Variants in CNTNAP2 observed in about 807,000 individuals in gnomAD.
CNTNAP2 encodes contactin-associated protein-like 2.
In CNTNAP2, 98 loss-of-function variants were observed where a neutral mutation model predicts 155.2. That is an observed-to-expected ratio of 0.63 (90% confidence interval 0.54 to 0.75). The LOEUF (loss-of-function observed/expected upper bound fraction) is 0.75. CNTNAP2 is among the 30% of genes least tolerant of loss of function. The pLI is 0.00. For synonymous variants in CNTNAP2, 651 were observed against 631.2 expected (o/e 1.03, Z -0.47); for missense variants, 1,727 against 1,688.1 (o/e 1.02, Z -0.40).
In CNTNAP2 at chr7:147,497,452, G is replaced by A. The variant is rs1011272418; in HGVS notation, c.1777+11411G>A. On this transcript the variant is annotated intron_variant, in intron 11 of 23. Coordinates refer to ENST00000361727, the MANE Select transcript of CNTNAP2 (RefSeq NM_014141.6). ...CTCTGCCACTATCTGGGCCTGTTGA[G>A]ATATTAATTAAACATGTCTTTCTTG... is the stretch of plus-strand genomic sequence containing the variant. Among the ~76,000 whole-genome samples, 4 of 152,288 alleles carry A rather than the reference G, an allele frequency of 2.6e-5. No homozygotes were observed. The South Asian group carries it at 6.2e-4, about 24-fold the overall frequency.
chr7:146,730,588 T>C (rs1801508593), intron 1 of CNTNAP2, among the ~76,000 whole-genome samples: 2 of 152,174 alleles, frequency 1.3e-5, no homozygotes, highest in African/African-American at 4.8e-5. Flanking sequence ...TTATAACTAA[T>C]GTTTATTAAT....
At chr7:147,075,309 G>A (rs928719237) in intron 4 of CNTNAP2, among the ~76,000 whole-genome samples, 1 of 152,080 alleles carries the variant, frequency 6.6e-6, no homozygotes, top group Non-Finnish European at 1.5e-5. Context: ...TTAACCTACA[G>A]CCTGGGTTCT....
At chr7:147,679,283 G>T (rs1795914025) in intron 13 of CNTNAP2, among the ~76,000 whole-genome samples, 1 of 151,790 alleles carries the variant, frequency 6.6e-6, no homozygotes, top group Non-Finnish European at 1.5e-5. Context: ...TTATGGTTTT[G>T]GTTCAGGAAC....
intron 1 of CNTNAP2, among the ~76,000 whole-genome samples, chr7:146,341,963 C>T (rs1052057003): frequency 6.6e-6 from 1 of 152,112 alleles, no homozygotes; most frequent in African/African-American, 2.4e-5. Flanking sequence ...CCTATATTTG[C>T]AGCCTTCATT....
intron 8 of CNTNAP2, among the ~76,000 whole-genome samples, chr7:147,210,919 C>G (rs1352583701): frequency 1.3e-5 from 2 of 151,476 alleles, no homozygotes; most frequent in African/African-American, 4.8e-5. Context: ...TATTTATATT[C>G]CACTGTGATC....
intron 2 of CNTNAP2, among the ~76,000 whole-genome samples, chr7:146,801,849 G>C (rs1335015295): frequency 6.6e-6 from 1 of 152,136 alleles, no homozygotes; most frequent in Non-Finnish European, 1.5e-5. Context: ...AGAGTGGAAA[G>C]TGAGATGCAG....
At chr7:146,825,424 G>A (rs1050398567) in intron 2 of CNTNAP2, among the ~76,000 whole-genome samples, 5 of 152,102 alleles carry the variant, frequency 3.3e-5, no homozygotes, top group African/African-American at 1.2e-4. Context: ...CAGCCAAAGA[G>A]AAGGGAATCA....
chr7:146,631,582 G>T (rs564596628), intron 1 of CNTNAP2, among the ~76,000 whole-genome samples: 1 of 152,286 alleles, frequency 6.6e-6, no homozygotes, highest in African/African-American at 2.4e-5. Flanking sequence ...CTTTACAAGA[G>T]AAGTTTTCTG....
At chr7:147,358,507 T>A (rs1240192298) in intron 9 of CNTNAP2, among the ~76,000 whole-genome samples, 8 of 152,128 alleles carry the variant, frequency 5.3e-5, no homozygotes, top group African/African-American at 1.9e-4. Context: ...GTTGCAGTCA[T>A]TTTTAACACA....
intron 1 of CNTNAP2, among the ~76,000 whole-genome samples, chr7:146,393,890 T>G (rs2129106966): frequency 6.6e-6 from 1 of 152,324 alleles, no homozygotes; most frequent in East Asian, 1.9e-4. Context: ...GCCTCCATAT[T>G]TTGTTCAAAG....
chr7:147,115,892 C>A (rs576820734), intron 5 of CNTNAP2, among the ~76,000 whole-genome samples: 2 of 152,116 alleles, frequency 1.3e-5, no homozygotes, highest in East Asian at 3.9e-4. Flanking sequence ...AAGGGGCACT[C>A]GGCTTTTTGA....
intron 4 of CNTNAP2, among the ~76,000 whole-genome samples, chr7:147,059,533 T>C (rs75796633): frequency 0.065 from 9,825 of 151,926 alleles, 419 homozygotes; most frequent in Middle Eastern, 0.13. Context: ...TATAGTACTA[T>C]CCCCATGCTT....
intron 13 of CNTNAP2, among the ~76,000 whole-genome samples, chr7:147,853,081 G>C (rs1798977956): frequency 6.6e-6 from 1 of 152,138 alleles, no homozygotes; most frequent in Non-Finnish European, 1.5e-5. Context: ...TGGCAGTAAG[G>C]CTGTGCTACT....
intron 10 of CNTNAP2, among the ~76,000 whole-genome samples, chr7:147,454,819 G>A (rs1418060696): frequency 1.3e-5 from 2 of 151,946 alleles, no homozygotes; most frequent in East Asian, 1.9e-4. Flanking sequence ...TCATGATAAA[G>A]CTGCCAGCAC....
chr7:147,099,474 C>T (rs1037493163), intron 4 of CNTNAP2, among the ~76,000 whole-genome samples: 3 of 152,058 alleles, frequency 2.0e-5, no homozygotes, highest in Non-Finnish European at 4.4e-5. Flanking sequence ...ATTACCCCTG[C>T]TCCCACCCTC....
At chr7:148,160,746 T>A (rs1805516598) in intron 17 of CNTNAP2, among the ~76,000 whole-genome samples, 2 of 152,322 alleles carry the variant, frequency 1.3e-5, no homozygotes, top group African/African-American at 4.8e-5. Flanking sequence ...TGTTGTTTTT[T>A]GGTTTTGGTG....
chr7:147,401,175 C>T (rs34145640), intron 10 of CNTNAP2, among the ~76,000 whole-genome samples: 1 of 152,098 alleles, frequency 6.6e-6, no homozygotes, highest in African/African-American at 2.4e-5. Context: ...TCTGCTCTTT[C>T]CTGTCTAACT....
At chr7:147,709,501 C>T (rs1246138039) in intron 13 of CNTNAP2, among the ~76,000 whole-genome samples, 3 of 152,076 alleles carry the variant, frequency 2.0e-5, no homozygotes, top group Non-Finnish European at 2.9e-5. Context: ...ATTTCATGGA[C>T]GTGACATAAG....
chr7:146,300,660 C>G (rs1800591852), intron 1 of CNTNAP2, among the ~76,000 whole-genome samples: 1 of 151,890 alleles, frequency 6.6e-6, no homozygotes, highest in Non-Finnish European at 1.5e-5. Flanking sequence ...GAAAATCAAC[C>G]CATTTATTTA....
Sources: gnomAD v4.1 joint callset for allele counts (sites outside exome capture counted in the v4.1 genomes callset) on GRCh38, gnomAD v4.1.1 for gene constraint, MANE v1.5 for transcripts, NCBI Gene and HGNC (gene_info 2026-07-23, HGNC 2026-07-21) for gene names.